Variants in UBIAD1 observed in about 807,000 individuals in gnomAD.
UBIAD1 encodes UbiA prenyltransferase domain containing 1.
Under a neutral mutation model 20.1 loss-of-function variants are expected in UBIAD1, and 12 were observed. The observed-to-expected ratio is 0.60, with a 90% CI of 0.38 to 0.97. UBIAD1 has a LOEUF of 0.97. Among genes scored for constraint, UBIAD1 ranks in the 50% least tolerant of loss-of-function variants. The pLI, the probability that UBIAD1 is intolerant of heterozygous loss-of-function variation, is 0.00. For missense variants in UBIAD1, 333 were observed against 419.5 expected (o/e 0.79, Z 1.80); for synonymous variants, 207 against 189.2 (o/e 1.09, Z -0.77).
chr1:11,291,795 G>A (rs1277971695), downstream of UBIAD1, among the ~76,000 whole-genome samples: 4 of 152,074 alleles, frequency 2.6e-5, no homozygotes, highest in Middle Eastern at 3.2e-3. Flanking sequence ...TCCTGAATGC[G>A]GTTGGCAGAT....
chr1:11,296,857 GT>G (rs372620015), downstream of UBIAD1, among the ~76,000 whole-genome samples: 1 of 132,090 alleles, frequency 7.6e-6, no homozygotes, highest in Non-Finnish European at 1.6e-5. Context: ...TTAGAATGTT[GT>G]TTTTTGTGTA....
intron 1 of UBIAD1, among the ~76,000 whole-genome samples, chr1:11,283,284 T>C (rs1386852605): frequency 6.6e-6 from 1 of 152,144 alleles, no homozygotes; most frequent in Non-Finnish European, 1.5e-5. Flanking sequence ...CTTGGGGAGC[T>C]GAGAAAACAA....
At chr1:11,284,191 T>A (rs1483259677) in intron 1 of UBIAD1, among the ~76,000 whole-genome samples, 2 of 152,114 alleles carry the variant, frequency 1.3e-5, no homozygotes, top group Non-Finnish European at 2.9e-5. Flanking sequence ...CAAATGTGGC[T>A]TAGGGGTGAG....
At chr1:11,298,632 CAT>C (rs1316354209), downstream of UBIAD1, among the ~76,000 whole-genome samples, 17 of 152,060 alleles carry the variant, frequency 1.1e-4, no homozygotes, top group Admixed American at 1.1e-3. The surrounding 1 kb of genome is among the most constrained non-coding windows in gnomAD (Gnocchi z 4.0). Flanking sequence ...CATGTGTGCA[CAT>C]ATGTGTGTAC....
Position 11,287,466 on chromosome 1 carries a change from GTCA to G in UBIAD1, c.*1340_*1342del, listed in dbSNP as rs899847926. 2 of 152,174 alleles carry G rather than the reference GTCA, an allele frequency of 1.3e-5. No individual in the cohort carries two copies. The highest frequency in any genetic ancestry group is 2.9e-5 in the Non-Finnish European group (2 of 68,028). 9.4% of individuals were successfully genotyped at this position (152,174 alleles called of 1,614,324 possible). A position where few individuals can be genotyped will look rare whatever the true frequency, so the allele number is the denominator to read the frequency against. ...ATCCAGGACTATAGATTGGAAATGG[GTCA>G]TCATTGTTTTCTGTTGTGATTATAG... On this transcript the variant is annotated 3_prime_UTR_variant, in exon 2 of 2. Transcript: ENST00000376810.
At chr1:11,279,901 G>A (rs1652186353) in intron 1 of UBIAD1, among the ~76,000 whole-genome samples, 1 of 152,158 alleles carries the variant, frequency 6.6e-6, no homozygotes, top group Admixed American at 6.5e-5. Flanking sequence ...CCTGGTCTGA[G>A]CCCTGGGACA....
downstream of UBIAD1, among the ~76,000 whole-genome samples, chr1:11,298,425 G>A (rs923550387): frequency 3.9e-5 from 6 of 152,054 alleles, no homozygotes; most frequent in South Asian, 2.1e-4. This position sits in a 1 kb window ranked among gnomAD's most constrained non-coding sequence, Gnocchi z 4.0. Context: ...AAAATTAGCC[G>A]GGCATGGTGG....
chr1:11,277,425 G>A (rs1652080633), intron 1 of UBIAD1, among the ~76,000 whole-genome samples: 1 of 151,336 alleles, frequency 6.6e-6, no homozygotes, highest in Non-Finnish European at 1.5e-5. Flanking sequence ...GATTACAGGT[G>A]CCCGCCTGGC....
intron 1 of UBIAD1, chr1:11,279,250 G>T (rs1242015952): frequency 8.7e-6 from 2 of 230,050 alleles, no homozygotes; most frequent in East Asian, 1.1e-4. Context: ...CATCTTTAAG[G>T]CCCCAGTTAA....
intron 1 of UBIAD1, among the ~76,000 whole-genome samples, chr1:11,275,488 C>T (rs1651987355): frequency 1.3e-5 from 2 of 152,182 alleles, no homozygotes; most frequent in African/African-American, 4.8e-5. Flanking sequence ...TGTCTGTAAT[C>T]CCAGCCCTTT....
intron 1 of UBIAD1, among the ~76,000 whole-genome samples, chr1:11,279,695 C>T (rs1652179977): frequency 6.6e-6 from 1 of 152,358 alleles, no homozygotes; most frequent in Non-Finnish European, 1.5e-5. Context: ...GGATTACAGG[C>T]ATGAGCCACT....
chr1:11,275,937 G>T (rs372121913), intron 1 of UBIAD1, among the ~76,000 whole-genome samples: 12 of 152,104 alleles, frequency 7.9e-5, no homozygotes, highest in African/African-American at 2.7e-4. Flanking sequence ...GTAAAGAGAG[G>T]TAAAGTAAGA....
At chr1:11,274,576 C>A (rs1471150275) in intron 1 of UBIAD1, among the ~76,000 whole-genome samples, 1 of 151,442 alleles carries the variant, frequency 6.6e-6, no homozygotes, top group Non-Finnish European at 1.5e-5. Context: ...AGATTACAGG[C>A]GTGAGCCACC....
At chr1:11,296,522 C>A (rs12140178), downstream of UBIAD1, among the ~76,000 whole-genome samples, 104 of 151,964 alleles carry the variant, frequency 6.8e-4, no homozygotes, top group Middle Eastern at 3.4e-3. Flanking sequence ...TTCCCCCTGT[C>A]CCCCCCTTTG....
rs966627635 is a variant in UBIAD1, at chr1:11,275,801, C to A, written c.529+1741C>A. Among the ~76,000 whole-genome samples the A allele has an allele frequency of 2.0e-5, 3 of 152,038 alleles. No homozygotes were observed. In the East Asian group the frequency reaches 5.8e-4, roughly 29 times the overall value. ...GGAGGTAAGAGGTGAGGGAGTTGGC[C>A]AAGCAGATATCTGAGAGAGGAGCAT... On this transcript the variant is annotated intron_variant, in intron 1 of 1. Coordinates refer to ENST00000376810, the MANE Select transcript of UBIAD1 (RefSeq NM_013319.3).
intron 1 of UBIAD1, among the ~76,000 whole-genome samples, chr1:11,277,181 A>G (rs1232022229): frequency 3.3e-5 from 5 of 152,104 alleles, no homozygotes; most frequent in South Asian, 2.1e-4. Flanking sequence ...TAGTGAGCCA[A>G]GATCTCATCA....
chr1:11,284,830 G>C (rs575236349), intron 1 of UBIAD1, among the ~76,000 whole-genome samples: 1 of 152,126 alleles, frequency 6.6e-6, no homozygotes, highest in Non-Finnish European at 1.5e-5. Context: ...GGATGGAGAG[G>C]GGGAGGGGTT....
intron 1 of UBIAD1, among the ~76,000 whole-genome samples, chr1:11,281,106 C>T (rs1387981453): frequency 3.3e-5 from 5 of 152,016 alleles, no homozygotes; most frequent in South Asian, 4.1e-4. Context: ...TCCCTCAGGT[C>T]CTTTGTAGAT....
Position 11,273,940 on chromosome 1 carries a change from T to C in UBIAD1, c.409T>C (p.Phe137Leu). The C allele has an allele frequency of 6.2e-7, 1 of 1,614,254 alleles. No homozygotes were observed. Reference sequence around the variant, plus strand: ...GCAGGATGTCGTCCGGTTCGGAGTCTTCCTCTACACGTTGGGCTGCGTCTG... The same window carrying C: ...GCAGGATGTCGTCCGGTTCGGAGTCCTCCTCTACACGTTGGGCTGCGTCTG... Reference protein sequence around the residue: ...EPQDVVRFGVFLYTLGCVCAA... With the variant: ...EPQDVVRFGVLLYTLGCVCAA... The change falls in exon 1 of 2, where the codon TTC (phenylalanine) becomes CTC (leucine). Residue 137 changes from phenylalanine to leucine, a missense_variant. Phe to Leu is a conservative substitution (Grantham distance 22, BLOSUM62 0). Around this residue, in one of 3 missense-constraint regions of UBIAD1, gnomAD observed 226 missense variants for 263.5 expected, o/e 0.86. Transcript: ENST00000376810. This position sits in a 1 kb window ranked among gnomAD's most constrained non-coding sequence, Gnocchi z 4.9.
Sources: gnomAD v4.1 joint callset for allele counts (sites outside exome capture counted in the v4.1 genomes callset) on GRCh38, gnomAD v4.1.1 for gene constraint, gnomAD v4.1.1 regional missense constraint, Gnocchi (gnomAD v3.1) non-coding constraint, MANE v1.5 for transcripts, NCBI Gene and HGNC (gene_info 2026-07-23, HGNC 2026-07-21) for gene names.